CSMD1: variants seen among roughly 807,000 people sequenced by gnomAD.
CSMD1 encodes the protein CUB and sushi domain-containing protein 1.
Under a neutral mutation model 417.5 loss-of-function variants are expected in CSMD1, and 213 were observed. The observed-to-expected ratio is 0.51, with a 90% CI of 0.46 to 0.57. The LOEUF is 0.57. Ranked by LOEUF, CSMD1 falls within the 20% of genes least tolerant of loss-of-function variation. The pLI is 0.00. For synonymous variants in CSMD1, 2,862 were observed against 1,736.8 expected (o/e 1.65, Z -16.11); for missense variants, 6,923 against 4,529.7 (o/e 1.53, Z -15.17).
At chr8:4,461,277 T>C (rs1271385335) in intron 2 of CSMD1, among the ~76,000 whole-genome samples, 2 of 152,094 alleles carry the variant, frequency 1.3e-5, no homozygotes, top group Non-Finnish European at 2.9e-5. Flanking sequence ...GTTAACATTG[T>C]ATTTAATGAA....
intron 25 of CSMD1, among the ~76,000 whole-genome samples, chr8:3,300,494 G>A (rs1276992680): frequency 6.6e-6 from 1 of 152,052 alleles, no homozygotes; most frequent in Non-Finnish European, 1.5e-5. Context: ...TCAGGCGAGT[G>A]AAATGACTGA....
rs374601316 is a variant in CSMD1, at chr8:3,208,433, A to G, written c.4868-2813T>C. Among the ~76,000 whole-genome samples the G allele has an allele frequency of 7.0e-4, 106 of 152,144 alleles. 1 individual carries two copies. The highest frequency in any genetic ancestry group is 2.5e-3 in the African/African-American group (102 of 41,506). ...AGGTGCACACCACCACACACAGCTA[A>G]TTTTTGTATTTTTAGTAGAGATGGG... On this transcript the variant is annotated intron_variant, in intron 30 of 69. Coordinates refer to ENST00000635120, the MANE Select transcript of CSMD1 (RefSeq NM_033225.6).
At chr8:4,617,547 T>C (rs930159537) in intron 2 of CSMD1, among the ~76,000 whole-genome samples, 1 of 152,172 alleles carries the variant, frequency 6.6e-6, no homozygotes, top group Non-Finnish European at 1.5e-5. Context: ...TGGCTTCTGA[T>C]TCCATCATGG....
chr8:3,680,479 T>C (rs1799594608), intron 7 of CSMD1, among the ~76,000 whole-genome samples: 1 of 152,114 alleles, frequency 6.6e-6, no homozygotes, highest in Non-Finnish European at 1.5e-5. Context: ...CTCCCAAGAC[T>C]AAACCAGGAA....
Position 4,831,332 on chromosome 8 carries a change from T to C in CSMD1, c.85+163000A>G, listed in dbSNP as rs1188161026. Reference sequence around the variant, plus strand: ...CATCTTCTTCCTAGTGCTTCAGCAATTACTGCAATACCTTATAATTAACAT... The same window carrying C: ...CATCTTCTTCCTAGTGCTTCAGCAACTACTGCAATACCTTATAATTAACAT... On this transcript the variant is annotated intron_variant, in intron 1 of 69. Transcript: ENST00000635120. Among the ~76,000 whole-genome samples the C allele has an allele frequency of 3.3e-5, 5 of 152,176 alleles. No individual in the cohort carries two copies. The East Asian group carries it at 9.7e-4, about 29-fold the overall frequency.
chr8:3,450,048 C>G (rs1440507654), intron 12 of CSMD1, among the ~76,000 whole-genome samples: 2 of 152,144 alleles, frequency 1.3e-5, no homozygotes, highest in African/African-American at 2.4e-5. Flanking sequence ...CCTCTCCTTC[C>G]CTGGTTGAGA....
chr8:3,903,451 A>T (rs1004491363), intron 5 of CSMD1, among the ~76,000 whole-genome samples: 1 of 152,216 alleles, frequency 6.6e-6, no homozygotes, highest in African/African-American at 2.4e-5. Flanking sequence ...CATTATGTAA[A>T]ATATTACTCT....
chr8:4,584,586 G>C (rs1247942555), intron 2 of CSMD1, among the ~76,000 whole-genome samples: 1 of 152,134 alleles, frequency 6.6e-6, no homozygotes. Flanking sequence ...CTTCTGGGCT[G>C]AGCCGAGGGT....
chr8:4,211,231 A>C (rs1184508677), intron 3 of CSMD1, among the ~76,000 whole-genome samples: 1 of 152,088 alleles, frequency 6.6e-6, no homozygotes, highest in African/African-American at 2.4e-5. Context: ...GCATAAATTA[A>C]GCACCTCAGA....
At chr8:3,821,731 G>C (rs571666901) in intron 5 of CSMD1, among the ~76,000 whole-genome samples, 1 of 152,272 alleles carries the variant, frequency 6.6e-6, no homozygotes, top group South Asian at 2.1e-4. Flanking sequence ...GCAGTGAGTT[G>C]AAATCGCACC....
At chr8:3,552,266 C>A (rs929221826) in intron 10 of CSMD1, among the ~76,000 whole-genome samples, 7 of 151,904 alleles carry the variant, frequency 4.6e-5, no homozygotes, top group Non-Finnish European at 1.0e-4. Context: ...ACACAGAAAG[C>A]TTGAATACTA....
intron 2 of CSMD1, among the ~76,000 whole-genome samples, chr8:4,429,013 C>T (rs1371433560): frequency 6.6e-6 from 1 of 152,036 alleles, no homozygotes; most frequent in African/African-American, 2.4e-5. Context: ...TGCACGTCGG[C>T]CTTATCTTAG....
At chr8:4,921,919 G>A (rs1473797485) in intron 1 of CSMD1, among the ~76,000 whole-genome samples, 2 of 152,134 alleles carry the variant, frequency 1.3e-5, no homozygotes, top group Non-Finnish European at 2.9e-5. Context: ...GCCACCTCCA[G>A]CCTTCTGAAC....
intron 2 of CSMD1, among the ~76,000 whole-genome samples, chr8:4,625,010 G>A (rs966615192): frequency 6.6e-6 from 1 of 152,122 alleles, no homozygotes; most frequent in Non-Finnish European, 1.5e-5. Context: ...CAGCGTGCTT[G>A]CCGCTTATAC....
intron 5 of CSMD1, among the ~76,000 whole-genome samples, chr8:3,797,074 G>C (rs1414385412): frequency 4.0e-5 from 6 of 151,826 alleles, no homozygotes; most frequent in Non-Finnish European, 5.9e-5. Flanking sequence ...CACTTATTAA[G>C]ATGGACTTCT....
At chr8:4,492,485 T>C (rs1238453524) in intron 2 of CSMD1, among the ~76,000 whole-genome samples, 1 of 152,216 alleles carries the variant, frequency 6.6e-6, no homozygotes, top group East Asian at 1.9e-4. Flanking sequence ...CCTCAGTATA[T>C]ATAAAGTTGA....
At chr8:4,205,250 T>C (rs367805244) in intron 3 of CSMD1, among the ~76,000 whole-genome samples, 16 of 152,368 alleles carry the variant, frequency 1.1e-4, no homozygotes, top group East Asian at 9.6e-4. Context: ...ACCTACATTA[T>C]ATCATATTTT....
chr8:4,465,265 C>T (rs961137851), intron 2 of CSMD1, among the ~76,000 whole-genome samples: 6 of 151,972 alleles, frequency 3.9e-5, no homozygotes, highest in African/African-American at 1.2e-4. Context: ...TCTTTTTTTC[C>T]AGTGCCTGTG....
At chr8:4,145,033 C>A (rs1302042351) in intron 3 of CSMD1, among the ~76,000 whole-genome samples, 1 of 150,990 alleles carries the variant, frequency 6.6e-6, no homozygotes, top group Non-Finnish European at 1.5e-5. Flanking sequence ...TTCTACTTTT[C>A]CGCTTTTAAA....
Sources: gnomAD v4.1 joint callset for allele counts (sites outside exome capture counted in the v4.1 genomes callset) on GRCh38, gnomAD v4.1.1 for gene constraint, MANE v1.5 for transcripts, NCBI Gene and HGNC (gene_info 2026-07-23, HGNC 2026-07-21) for gene names.